Variants in VPS50 observed in about 807,000 individuals in gnomAD.
The protein encoded by VPS50 is syndetin.
In VPS50, 70 loss-of-function variants were observed where a neutral mutation model predicts 139.7. The observed-to-expected ratio is 0.50, with a 90% CI of 0.41 to 0.61. VPS50 has a LOEUF of 0.61. Ranked by LOEUF, VPS50 falls within the 20% of genes least tolerant of loss-of-function variation. The pLI, the probability that VPS50 is intolerant of heterozygous loss-of-function variation, is 0.00. For missense variants in VPS50, 921 were observed against 1,133.7 expected (o/e 0.81, Z 2.69); for synonymous variants, 365 against 376.7 (o/e 0.97, Z 0.36).
At chr7:93,235,866 T>C (rs908280194) in intron 1 of VPS50, among the ~76,000 whole-genome samples, 2 of 152,194 alleles carry the variant, frequency 1.3e-5, no homozygotes. Context: ...GTTACAAACA[T>C]GTAGATTGCA....
At chr7:93,277,928 G>A (rs1021722580) in intron 12 of VPS50, among the ~76,000 whole-genome samples, 1 of 151,520 alleles carries the variant, frequency 6.6e-6, no homozygotes, top group African/African-American at 2.4e-5. Context: ...TTTTTTTATT[G>A]TAATGTTGCT....
At chr7:93,312,942 T>G (rs1327410345) in intron 20 of VPS50, among the ~76,000 whole-genome samples, 1 of 152,200 alleles carries the variant, frequency 6.6e-6, no homozygotes, top group Non-Finnish European at 1.5e-5. Context: ...GTAGTCAGCT[T>G]TTGCTAGATT....
chr7:93,251,837 C>T (rs1795343387), intron 2 of VPS50, among the ~76,000 whole-genome samples: 1 of 152,106 alleles, frequency 6.6e-6, no homozygotes, highest in African/African-American at 2.4e-5. Flanking sequence ...AATCAAATGG[C>T]TAACTTGTGA....
intron 12 of VPS50, among the ~76,000 whole-genome samples, chr7:93,283,029 CT>C (rs201019057): frequency 2.0e-5 from 3 of 151,644 alleles, no homozygotes; most frequent in Non-Finnish European, 2.9e-5. Context: ...TTGTTTCTTC[CT>C]TTTTTTTCTT....
intron 10 of VPS50, among the ~76,000 whole-genome samples, chr7:93,272,017 T>G (rs1796024768): frequency 3.3e-5 from 5 of 151,744 alleles, no homozygotes. Context: ...TTGAGTGGCT[T>G]AAGTTAACAA....
intron 12 of VPS50, among the ~76,000 whole-genome samples, chr7:93,286,833 A>G (rs538237750): frequency 2.6e-5 from 4 of 152,102 alleles, no homozygotes; most frequent in Non-Finnish European, 5.9e-5. Context: ...AAATGATGTT[A>G]AAAGCATGAG....
chr7:93,280,640 G>A (rs1413465299), intron 12 of VPS50, among the ~76,000 whole-genome samples: 1 of 152,070 alleles, frequency 6.6e-6, no homozygotes, highest in African/African-American at 2.4e-5. Context: ...GTATTCATAA[G>A]GATTTTTTTT....
intron 2 of VPS50, among the ~76,000 whole-genome samples, chr7:93,248,290 G>A (rs1795215802): frequency 6.6e-6 from 1 of 151,618 alleles, no homozygotes; most frequent in Non-Finnish European, 1.5e-5. Flanking sequence ...TTTTTTATAG[G>A]AAACTTTTTG....
intron 12 of VPS50, among the ~76,000 whole-genome samples, chr7:93,290,339 C>G (rs1003230365): frequency 6.7e-6 from 1 of 150,236 alleles, no homozygotes; most frequent in Admixed American, 6.6e-5. Context: ...GTGAATCAAA[C>G]AAAGAAATTA....
chr7:93,330,319 A>G (rs540675668), intron 21 of VPS50, among the ~76,000 whole-genome samples: 5 of 152,334 alleles, frequency 3.3e-5, no homozygotes, highest in African/African-American at 1.2e-4. Context: ...CAAGGAGGGA[A>G]AATAGAGAGA....
chr7:93,245,170 C>T (rs1024359827), intron 2 of VPS50, among the ~76,000 whole-genome samples: 18 of 151,372 alleles, frequency 1.2e-4, no homozygotes, highest in Middle Eastern at 3.4e-3. Flanking sequence ...TTAGAGTTGG[C>T]GATTAATTTT....
At chr7:93,274,831 C>T (rs927693445) in intron 11 of VPS50, among the ~76,000 whole-genome samples, 13 of 152,142 alleles carry the variant, frequency 8.5e-5, no homozygotes, top group African/African-American at 2.7e-4. Flanking sequence ...TGTGATTCCT[C>T]TGCTGGATCT....
chr7:93,310,291 T>G (rs1183865032), intron 19 of VPS50, among the ~76,000 whole-genome samples: 1 of 152,028 alleles, frequency 6.6e-6, no homozygotes, highest in African/African-American at 2.4e-5. Context: ...TAATAGATAT[T>G]ATCAGTTCTA....
intron 12 of VPS50, among the ~76,000 whole-genome samples, chr7:93,288,538 T>G (rs1460541336): frequency 2.6e-5 from 4 of 152,064 alleles, no homozygotes. Flanking sequence ...CACACGTAGG[T>G]TTTGTTAGAT....
intron 18 of VPS50, among the ~76,000 whole-genome samples, chr7:93,307,509 T>C (rs1046432042): frequency 1.3e-5 from 2 of 151,914 alleles, no homozygotes; most frequent in Admixed American, 6.6e-5. Context: ...GCTGGGAACA[T>C]GCATGTTGGA....
chr7:93,303,549 ATGTAAGTGTTTC>A lies in VPS50; in HGVS notation c.1452+1_1452+12del, dbSNP rs1395464700. On this transcript the variant is annotated splice_donor_variant and splice_donor_5th_base_variant and coding_sequence_variant and intron_variant, in exon 17 of 28. Coordinates refer to ENST00000305866, the MANE Select transcript of VPS50 (RefSeq NM_017667.4). LOFTEE classifies it high-confidence loss of function. ...TCAAATTTCAGCATCTTGCAACTTC[ATGTAAGTGTTTC>A]TTAAGAACAAAGAAATCTGTCTTTT... 7.0e-7 allele frequency: 1 copy of A among 1,433,400 alleles called. No individual in the cohort carries two copies. The highest frequency in any genetic ancestry group is 9.7e-7 in the Non-Finnish European group (1 of 1,028,460). The allele number at this position is 1,433,400 out of a possible 1,614,324, so 88.8% of individuals were successfully genotyped here.
At chr7:93,252,390 A>C (rs569186334) in intron 2 of VPS50, among the ~76,000 whole-genome samples, 1 of 152,272 alleles carries the variant, frequency 6.6e-6, no homozygotes, top group South Asian at 2.1e-4. Context: ...GGACATTAAA[A>C]TTTTTATCAA....
chr7:93,255,894 T>C (rs929529909), intron 4 of VPS50, among the ~76,000 whole-genome samples: 5 of 152,190 alleles, frequency 3.3e-5, no homozygotes, highest in African/African-American at 9.7e-5. Flanking sequence ...TTAGTGAAGT[T>C]GGCAGAGACC....
intron 1 of VPS50, among the ~76,000 whole-genome samples, chr7:93,232,760 C>T (rs1324694550): frequency 6.6e-6 from 1 of 152,144 alleles, no homozygotes; most frequent in African/African-American, 2.4e-5. Flanking sequence ...TTTGTCTCCC[C>T]TCCTCCTCTT....
Sources: gnomAD v4.1 joint callset for allele counts (sites outside exome capture counted in the v4.1 genomes callset) on GRCh38, gnomAD v4.1.1 for gene constraint, MANE v1.5 for transcripts, NCBI Gene and HGNC (gene_info 2026-07-23, HGNC 2026-07-21) for gene names.